Variants in ZNF479 observed in about 807,000 individuals in gnomAD.
The protein encoded by ZNF479 is zinc finger protein 479, also known as KRAB zinc finger protein KR19.
Under a neutral mutation model 14.7 loss-of-function variants are expected in ZNF479, and 15 were observed. The observed-to-expected ratio is 1.02, with a 90% CI of 0.68 to 1.57. The LOEUF (loss-of-function observed/expected upper bound fraction) is 1.57. Ranked by LOEUF, ZNF479 falls within the 40% of genes most tolerant of loss-of-function variation. ZNF479 has a pLI of 0.00. For synonymous variants in ZNF479, 145 were observed against 211.5 expected (o/e 0.69, Z 2.73); for missense variants, 506 against 615.1 (o/e 0.82, Z 1.88).
chr7:57,126,709 T>C lies in ZNF479; in HGVS notation c.49A>G (p.Thr17Ala). 6.2e-7 allele frequency: 1 copy of C among 1,614,020 alleles called. No homozygotes were observed. The highest frequency in any genetic ancestry group is 8.5e-7 in the Non-Finnish European group (1 of 1,179,954). Residue 17 changes from threonine to alanine, a missense_variant, in exon 2 of 4, where the codon ACA (threonine) becomes GCA (alanine). Transcript: ENST00000319636. ...PPGSREMGLL[T>A]FRDIAIEFSL... Reference sequence around the variant, plus strand: ...AATTCTATAGCTATGTCTCTGAATGTCAACAGTCCCTGGAAAACAAACAAA... The same window carrying C: ...AATTCTATAGCTATGTCTCTGAATGCCAACAGTCCCTGGAAAACAAACAAA...
chr7:57,134,730 A>T (rs1290393677), upstream of ZNF479, among the ~76,000 whole-genome samples: 2 of 135,682 alleles, frequency 1.5e-5, no homozygotes, highest in Non-Finnish European at 3.0e-5. Flanking sequence ...GCTGGAGTGC[A>T]GTGGCGCCAT....
chr7:57,134,222 A>C (rs935661956), upstream of ZNF479, among the ~76,000 whole-genome samples: 1 of 152,182 alleles, frequency 6.6e-6, no homozygotes, highest in African/African-American at 2.4e-5. Context: ...CACGAGATCC[A>C]TTTTACAAAG....
Position 57,119,143 on chromosome 7 carries a change from A to C in ZNF479, c.*697T>G, listed in dbSNP as rs1327332260. Among the ~76,000 whole-genome samples, 8 of 152,182 alleles carry C rather than the reference A, an allele frequency of 5.3e-5. No homozygotes were observed. Among genetic ancestry groups the C allele is most frequent in the Non-Finnish European group, 1.2e-4 (8 of 68,034 alleles). On this transcript the variant is annotated 3_prime_UTR_variant, in exon 4 of 4. Transcript: ENST00000319636. ...ATTCAGGTTTGAGGACTTTTTAAAG[A>C]CATTACCATATTCCTTATTGTAGGG...
In ZNF479 at chr7:57,117,764, A is replaced by G. The variant is rs1439868531; in HGVS notation, c.*2076T>C. 6.6e-6 allele frequency among the ~76,000 whole-genome samples: 1 copy of G among 152,294 alleles called. No individual in the cohort carries two copies. Among genetic ancestry groups the G allele is most frequent in the African/African-American group, 2.4e-5 (1 of 41,482 alleles). On this transcript the variant is annotated 3_prime_UTR_variant, in exon 4 of 4. Coordinates refer to ENST00000319636, the MANE Select transcript of ZNF479 (RefSeq NM_001370129.2). The stretch of plus-strand genomic sequence containing the variant: ...TCTCCTATCTCTGATGAAACAACTG[A>G]TCAAATACTTTCACAAACAATGGGA...
rs139553922 is a variant in ZNF479 at position 57,119,532 on chromosome 7, G to A, written c.*308C>T. ...TGAGGCAGGAGAATCGCTTGAACCC[G>A]GAAGGCAGAGGTTACAGTGAGCTGA... is the stretch of plus-strand genomic sequence containing the variant. On this transcript the variant is annotated 3_prime_UTR_variant, in exon 4 of 4. Coordinates refer to ENST00000319636, the MANE Select transcript of ZNF479 (RefSeq NM_001370129.2). 11,827 of 267,244 alleles carry A rather than the reference G, an allele frequency of 0.044. 485 individuals carry two copies. Among genetic ancestry groups the A allele is most frequent in the East Asian group, 0.23 (2,344 of 10,040 alleles). The allele number at this position is 267,244 out of a possible 1,614,324, so 16.6% of individuals were successfully genotyped here. A position where few individuals can be genotyped will look rare whatever the true frequency, so the allele number is the denominator to read the frequency against.
chr7:57,127,015 CT>C lies in ZNF479; in HGVS notation c.40-298del, dbSNP rs1175973407. Among the ~76,000 whole-genome samples the C allele has an allele frequency of 5.1e-4, 67 of 130,354 alleles. 2 individuals are homozygous for C. The highest frequency in any genetic ancestry group is 1.7e-3 in the African/African-American group (65 of 37,648). 85.5% of individuals were successfully genotyped at this position (130,354 alleles called of 152,430 possible). A position where few individuals can be genotyped will look rare whatever the true frequency, so the allele number is the denominator to read the frequency against. ...ACATGTCTTTTTCTTTTCTGTTTTTCTTTTTTTTTTCTTTTTTTTTTTTTTG... is the reference window on the plus strand; with the variant it reads ...ACATGTCTTTTTCTTTTCTGTTTTTCTTTTTTTTTCTTTTTTTTTTTTTTG... On this transcript the variant is annotated intron_variant, in intron 1 of 3. Coordinates refer to ENST00000319636, the MANE Select transcript of ZNF479 (RefSeq NM_001370129.2).
upstream of ZNF479, among the ~76,000 whole-genome samples, chr7:57,135,009 G>A (rs776212039): frequency 2.0e-5 from 3 of 152,014 alleles, no homozygotes; most frequent in Admixed American, 6.6e-5. Context: ...CGAGATCCAA[G>A]AACCCAATCT....
Position 57,120,821 on chromosome 7 carries a change from T to C in ZNF479, c.594A>G (p.Ser198=). 6.2e-7 allele frequency: 1 copy of C among 1,613,218 alleles called. No individual in the cohort carries two copies. Among genetic ancestry groups the C allele is most frequent in the Non-Finnish European group, 8.5e-7 (1 of 1,179,508 alleles). Residue 198 remains serine (S), a synonymous_variant, in exon 4 of 4, where the codon TCA becomes TCG. Coordinates refer to ENST00000319636, the MANE Select transcript of ZNF479 (RefSeq NM_001370129.2). ...NKYGKSFCML[S]HLNQHQVIHT... ...GAATTACCTGATGTTGATTTAGGTG[T>C]GAAAGCATGCAAAATGATTTGCCAT...
At chr7:57,139,353 T>C (rs1405556062) in intron 1 of ZNF479, among the ~76,000 whole-genome samples, 1 of 152,192 alleles carries the variant, frequency 6.6e-6, no homozygotes, top group Non-Finnish European at 1.5e-5. Context: ...GTGGCTCTGC[T>C]ACTGGGACAC....
chr7:57,139,160 C>G (rs1786771068), intron 1 of ZNF479, among the ~76,000 whole-genome samples: 3 of 152,324 alleles, frequency 2.0e-5, no homozygotes, highest in Middle Eastern at 3.4e-3. Context: ...GATTGTGACT[C>G]TCATATGCAC....
Position 57,119,828 on chromosome 7 carries a change from G to A in ZNF479, c.*12C>T. Reference sequence around the variant, plus strand: ...TTATGTATTATAAGGCCTGAGGGTGGACTTTGCCATATTATTCACATTTGT... The same window carrying A: ...TTATGTATTATAAGGCCTGAGGGTGAACTTTGCCATATTATTCACATTTGT... On this transcript the variant is annotated 3_prime_UTR_variant, in exon 4 of 4. Transcript: ENST00000319636. 1 of 1,607,754 alleles carries A rather than the reference G, an allele frequency of 6.2e-7. No homozygotes were observed. The highest frequency in any genetic ancestry group is 8.5e-7 in the Non-Finnish European group (1 of 1,175,916).
chr7:57,121,557 A>T (rs1785950682), intron 3 of ZNF479, among the ~76,000 whole-genome samples: 1 of 152,198 alleles, frequency 6.6e-6, no homozygotes. Context: ...ATAGGTGTAG[A>T]ACGTAGTTAC....
At chr7:57,121,318 G>A (rs1554400586) in intron 3 of ZNF479, among the ~76,000 whole-genome samples, 166 bp from the exon 4 acceptor site, 1 of 152,078 alleles carries the variant, frequency 6.6e-6, no homozygotes, top group South Asian at 2.1e-4. Flanking sequence ...AAATCATAGT[G>A]ATCAAAATAC....
chr7:57,128,249 C>A (rs2115881762), intron 1 of ZNF479, among the ~76,000 whole-genome samples: 1 of 152,094 alleles, frequency 6.6e-6, no homozygotes, highest in South Asian at 2.1e-4. Context: ...TAAATTTAAT[C>A]AAAAAGAAAC....
At position 57,119,834 on chromosome 7, in the gene ZNF479, G is replaced by A. The variant is rs781835531; in HGVS notation, c.*6C>T. The A allele has an allele frequency of 6.2e-7, 1 of 1,610,632 alleles. No individual in the cohort carries two copies. The highest frequency in any genetic ancestry group is 1.1e-5 in the South Asian group (1 of 90,870). ...ATTATAAGGCCTGAGGGTGGACTTT[G>A]CCATATTATTCACATTTGTAGGGTT... is the stretch of plus-strand genomic sequence containing the variant. On this transcript the variant is annotated 3_prime_UTR_variant, in exon 4 of 4. Transcript: ENST00000319636.
intron 1 of ZNF479, among the ~76,000 whole-genome samples, chr7:57,128,931 C>T (rs1786299312): frequency 6.6e-6 from 1 of 152,174 alleles, no homozygotes; most frequent in African/African-American, 2.4e-5. Context: ...ACATATCAAA[C>T]CTGCATCTTG....
chr7:57,139,261 G>A (rs974085236), intron 1 of ZNF479, among the ~76,000 whole-genome samples: 6 of 152,112 alleles, frequency 3.9e-5, no homozygotes, highest in Admixed American at 2.6e-4. Context: ...AGTCAAAGTT[G>A]GAATTATGAC....
At chr7:57,137,424 C>T (rs781743049), upstream of ZNF479, among the ~76,000 whole-genome samples, 1 of 152,140 alleles carries the variant, frequency 6.6e-6, no homozygotes, top group Admixed American at 6.5e-5. Context: ...CTCGGACTCC[C>T]AAAGTGCTAC....
rs543140580 is a variant in ZNF479 at position 57,138,590 on chromosome 7, G to A, written c.-15+1018C>T. Among the ~76,000 whole-genome samples the A allele has an allele frequency of 4.6e-5, 7 of 152,322 alleles. No individual in the cohort carries two copies. The East Asian group carries it at 1.4e-3, about 29-fold the overall frequency. On this transcript the variant is annotated intron_variant, in intron 1 of 4. Transcript: ENST00000331162. Reference sequence around the variant, plus strand: ...GCGATGACTCTTATACCCGGACCCAGCCAGTAGGAGAGGTATTGACTTTCA... The same window carrying A: ...GCGATGACTCTTATACCCGGACCCAACCAGTAGGAGAGGTATTGACTTTCA...
Sources: allele counts gnomAD v4.1 joint callset (sites outside exome capture counted in the v4.1 genomes callset), GRCh38; gene constraint gnomAD v4.1.1; transcripts MANE v1.5; gene names NCBI Gene and HGNC (gene_info 2026-07-23, HGNC 2026-07-21).